METTL16: variants seen among roughly 807,000 people sequenced by gnomAD.
METTL16 encodes RNA N(6)-adenosine-methyltransferase METTL16.
METTL16 carries 19 observed loss-of-function variants against 57.9 expected under a neutral mutation model. The observed-to-expected ratio is 0.33, with a 90% CI of 0.23 to 0.48. The LOEUF (loss-of-function observed/expected upper bound fraction) is 0.48. Among genes scored for constraint, METTL16 ranks in the 20% least tolerant of loss-of-function variants. METTL16 has a pLI of 0.99. For synonymous variants in METTL16, 246 were observed against 255.6 expected, an observed-to-expected ratio of 0.96 and a Z score of 0.36; for missense variants, 434 against 691.5, an observed-to-expected ratio of 0.63 and a Z score of 4.18.
At chr17:2,456,852 A>G (rs891407051) in intron 6 of METTL16, among the ~76,000 whole-genome samples, 2 of 151,804 alleles carry the variant, frequency 1.3e-5, no homozygotes, top group African/African-American at 4.8e-5. Flanking sequence ...ACACTGTCTC[A>G]ATCTCAGCTC....
intron 2 of METTL16, among the ~76,000 whole-genome samples, chr17:2,480,504 C>T (rs942784142): frequency 1.3e-5 from 2 of 152,274 alleles, no homozygotes; most frequent in African/African-American, 4.8e-5. Context: ...CCCATCGCTA[C>T]GAGCATACCT....
In METTL16 at chr17:2,430,850, A is replaced by G. The variant is rs185031483; in HGVS notation, c.888+7259T>C. ...CTCTCATGCTCATTGGCCATTACCA[A>G]TCCCTCTCTCAGTATCCCAATTTCT... is the stretch of plus-strand genomic sequence containing the variant. On this transcript the variant is annotated intron_variant, in intron 8 of 9. Coordinates refer to ENST00000263092, the MANE Select transcript of METTL16 (RefSeq NM_024086.4). 5.3e-5 allele frequency among the ~76,000 whole-genome samples: 8 copies of G among 151,988 alleles called. No individual in the cohort carries two copies. In the East Asian group the frequency reaches 1.5e-3, roughly 29 times the overall value.
At chr17:2,497,044 T>C (rs1215098390) in intron 2 of METTL16, among the ~76,000 whole-genome samples, 1 of 151,696 alleles carries the variant, frequency 6.6e-6, no homozygotes, top group African/African-American at 2.4e-5. Flanking sequence ...CTTGCTCTGT[T>C]GCCCAGGTTG....
chr17:2,467,938 G>T, intron 4 of METTL16, 62 bp from the exon 5 acceptor site: 1 of 1,102,492 alleles, frequency 9.1e-7, no homozygotes, highest in South Asian at 1.3e-5. Flanking sequence ...AAGTATAACC[G>T]CGCACTGCGT....
chr17:2,429,110 G>A lies in METTL16; in HGVS notation c.889-8206C>T, dbSNP rs556651036. Among the ~76,000 whole-genome samples, 100 of 151,844 alleles carry A rather than the reference G, an allele frequency of 6.6e-4. 1 individual carries two copies. The highest frequency in any genetic ancestry group is 5.4e-4 in the Non-Finnish European group (37 of 67,954). ...CGACCTCAGGTGATCCACCCGCTTCGGCCTCCCAAAGCGCTGGGATTACAG... is the reference window on the plus strand; with the variant it reads ...CGACCTCAGGTGATCCACCCGCTTCAGCCTCCCAAAGCGCTGGGATTACAG... On this transcript the variant is annotated intron_variant, in intron 8 of 9. Coordinates refer to ENST00000263092, the MANE Select transcript of METTL16 (RefSeq NM_024086.4).
At chr17:2,499,148 G>T (rs1182415134) in intron 2 of METTL16, among the ~76,000 whole-genome samples, 3 of 151,510 alleles carry the variant, frequency 2.0e-5, no homozygotes, top group Non-Finnish European at 4.4e-5. Flanking sequence ...AACGGCTTAT[G>T]TATTTGTCCA....
chr17:2,465,694 C>A (rs1251814381), intron 5 of METTL16, among the ~76,000 whole-genome samples: 1 of 151,210 alleles, frequency 6.6e-6, no homozygotes, highest in Non-Finnish European at 1.5e-5. Flanking sequence ...AAAACCCTGT[C>A]TCTAATAAAA....
intron 8 of METTL16, chr17:2,424,141 T>C (rs1440680832): frequency 6.7e-6 from 1 of 149,988 alleles, no homozygotes; most frequent in Non-Finnish European, 1.5e-5. Context: ...TGAGACGGAG[T>C]CTCGCTCTGT....
chr17:2,421,501 G>T (rs1356061979), intron 8 of METTL16, among the ~76,000 whole-genome samples: 3 of 152,166 alleles, frequency 2.0e-5, no homozygotes, highest in Non-Finnish European at 2.9e-5. Context: ...CCGAACCCAC[G>T]TTCTTTCCAG....
At chr17:2,439,276 A>G (rs759992872) in intron 7 of METTL16, among the ~76,000 whole-genome samples, 1 of 152,018 alleles carries the variant, frequency 6.6e-6, no homozygotes, top group African/African-American at 2.4e-5. Flanking sequence ...CACTTGGCTA[A>G]CTTTTTGTAT....
intron 2 of METTL16, among the ~76,000 whole-genome samples, chr17:2,501,642 G>A (rs997508125): frequency 6.6e-6 from 1 of 151,890 alleles, no homozygotes; most frequent in Non-Finnish European, 1.5e-5. Flanking sequence ...GGCGGATCAC[G>A]AGGTCAGGAG....
intron 6 of METTL16, among the ~76,000 whole-genome samples, chr17:2,444,860 C>T (rs969671969): frequency 3.3e-5 from 5 of 151,860 alleles, no homozygotes; most frequent in African/African-American, 1.2e-4. Context: ...AGTACAGGCA[C>T]CCCCTCCACC....
chr17:2,494,784 G>T (rs1233404504), intron 2 of METTL16, among the ~76,000 whole-genome samples: 1 of 151,940 alleles, frequency 6.6e-6, no homozygotes, highest in Admixed American at 6.6e-5. Flanking sequence ...CGAATCATGA[G>T]GTCAGGAGAT....
At chr17:2,465,094 G>A (rs571468323) in intron 5 of METTL16, among the ~76,000 whole-genome samples, 5 of 152,244 alleles carry the variant, frequency 3.3e-5, no homozygotes, top group South Asian at 2.1e-4. Flanking sequence ...CAACTTAAAC[G>A]TGAGCAAAAG....
intron 1 of METTL16, among the ~76,000 whole-genome samples, chr17:2,507,045 C>T (rs1025602453): frequency 5.9e-5 from 9 of 151,480 alleles, no homozygotes; most frequent in African/African-American, 1.7e-4. Flanking sequence ...ATCGTCTCCA[C>T]CCGGCAGCCA....
At chr17:2,499,702 TTAATA>T (rs2067473619) in intron 2 of METTL16, among the ~76,000 whole-genome samples, 1 of 152,222 alleles carries the variant, frequency 6.6e-6, no homozygotes, top group Non-Finnish European at 1.5e-5. Context: ...TCAAATGTAC[TTAATA>T]TATTAACACA....
At chr17:2,443,489 C>CTT (rs370199414) in intron 6 of METTL16, among the ~76,000 whole-genome samples, 4,854 of 136,912 alleles carry the variant, frequency 0.035, 389 homozygotes, top group African/African-American at 0.13. Context: ...CATATCATTT[C>CTT]TTTTTTTTTT....
intron 1 of METTL16, among the ~76,000 whole-genome samples, chr17:2,505,395 ATTTTTTTTTTTTTTTTTTTTTTTT>A (rs564797281): frequency 7.9e-5 from 4 of 50,554 alleles, no homozygotes; most frequent in Non-Finnish European, 1.7e-4. Context: ...GCCCAGAGGC[ATTTTTTTTTTTTTTTTTTTTTTTT>A]TTTTTTTTTT....
intron 5 of METTL16, 41 bp from the exon 6 acceptor site, chr17:2,464,391 C>A: frequency 1.3e-6 from 2 of 1,534,094 alleles, no homozygotes; most frequent in South Asian, 1.3e-5. Context: ...ATGTGTACAC[C>A]CCAAGAACCA....
Sources: gnomAD v4.1 joint callset for allele counts (sites outside exome capture counted in the v4.1 genomes callset) on GRCh38, gnomAD v4.1.1 for gene constraint, MANE v1.5 for transcripts, NCBI Gene and HGNC (gene_info 2026-07-23, HGNC 2026-07-21) for gene names.